The following SLC67A2 variants were observed in gnomAD, a reference collection of about 807,000 sequenced individuals.
SLC67A2 encodes the protein solute carrier family 67 member 2.
At chr2:102,736,737 T>C in the SLC67A2 span, 1 of 1,613,766 alleles carries the variant, frequency 6.2e-7, no homozygotes, top group Non-Finnish European at 8.5e-7. Flanking sequence ...TGTCTTCTGC[T>C]CCTGTTTCCG....
At chr2:102,734,675 C>T in the SLC67A2 span, among the ~76,000 whole-genome samples, 1 of 152,026 alleles carries the variant, frequency 6.6e-6, no homozygotes, top group Admixed American at 6.6e-5. Context: ...AAAAAAATCC[C>T]TACTCTTTCA....
the SLC67A2 span, chr2:102,732,114 C>G: frequency 3.0e-6 from 2 of 672,498 alleles, no homozygotes; most frequent in Non-Finnish European, 5.6e-6. Flanking sequence ...GCTCAAATCT[C>G]AAAATCTCTT....
At chr2:102,723,231 G>A in the SLC67A2 span, among the ~76,000 whole-genome samples, 1 of 152,214 alleles carries the variant, frequency 6.6e-6, no homozygotes, top group Admixed American at 6.5e-5. Flanking sequence ...AGCACTTTGG[G>A]AGGCAGAGGC....
chr2:102,724,632 G>A, the SLC67A2 span, among the ~76,000 whole-genome samples: 68 of 152,282 alleles, frequency 4.5e-4, no homozygotes, highest in Admixed American at 2.8e-3. Context: ...GTAACCAGCG[G>A]CCCACTATTT....
At chr2:102,725,049 G>C in the SLC67A2 span, among the ~76,000 whole-genome samples, 1 of 152,204 alleles carries the variant, frequency 6.6e-6, no homozygotes, top group Admixed American at 6.5e-5. Context: ...GAAGACTGTG[G>C]TAAGAGTATC....
the SLC67A2 span, among the ~76,000 whole-genome samples, chr2:102,730,473 T>C: frequency 1.3e-5 from 2 of 152,088 alleles, no homozygotes; most frequent in African/African-American, 2.4e-5. Context: ...CAACTTTAAA[T>C]AGAATAGCAG....
At chr2:102,717,781 C>T in the SLC67A2 span, 1 of 152,648 alleles carries the variant, frequency 6.6e-6, no homozygotes, top group Admixed American at 6.5e-5. Context: ...TGAGAAATCG[C>T]CAGCAGTGCT....
the SLC67A2 span, among the ~76,000 whole-genome samples, chr2:102,714,798 TTG>T: frequency 6.6e-6 from 1 of 152,226 alleles, no homozygotes; most frequent in Non-Finnish European, 1.5e-5. Context: ...TAGAGACTTC[TTG>T]AAGGCTACTA....
At chr2:102,717,255 C>T in the SLC67A2 span, 1 of 152,010 alleles carries the variant, frequency 6.6e-6, no homozygotes, top group Non-Finnish European at 1.5e-5. Flanking sequence ...GAATGGTCTC[C>T]ATCTCCTGAC....
chr2:102,726,764 C>T, the SLC67A2 span: 1 of 1,514,022 alleles, frequency 6.6e-7, no homozygotes, highest in South Asian at 1.4e-5. Context: ...AGAGGTGGCC[C>T]AGGAGGAAGC....
At chr2:102,726,852 G>A in the SLC67A2 span, 71 of 1,587,734 alleles carry the variant, frequency 4.5e-5, no homozygotes, top group East Asian at 1.6e-3. Context: ...CACCTGCCGG[G>A]ACTCTAGCCA....
chr2:102,736,839 C>G, the SLC67A2 span: 4 of 1,579,144 alleles, frequency 2.5e-6, no homozygotes, highest in South Asian at 2.3e-5. Flanking sequence ...TCGGACGCAG[C>G]AGCAGCCGCG....
chr2:102,723,873 A>G, the SLC67A2 span: 1 of 1,614,100 alleles, frequency 6.2e-7, no homozygotes, highest in Non-Finnish European at 8.5e-7. Flanking sequence ...ATCAGAAAGT[A>G]GAGCCCTTGA....
the SLC67A2 span, chr2:102,726,886 G>A: frequency 1.2e-6 from 2 of 1,612,994 alleles, no homozygotes; most frequent in Non-Finnish European, 8.5e-7. Context: ...CACATTGGTG[G>A]CTGCTCCGAG....
the SLC67A2 span, among the ~76,000 whole-genome samples, chr2:102,722,481 A>C: frequency 1.3e-5 from 2 of 152,262 alleles, no homozygotes; most frequent in East Asian, 3.8e-4. Flanking sequence ...CTTCTTTCTT[A>C]CTTCCATAAT....
At chr2:102,725,622 G>C in the SLC67A2 span, among the ~76,000 whole-genome samples, 1 of 152,146 alleles carries the variant, frequency 6.6e-6, no homozygotes. Context: ...GTGTGGTACT[G>C]GGGTTTGTAA....
At chr2:102,721,420 T>C in the SLC67A2 span, among the ~76,000 whole-genome samples, 2 of 152,318 alleles carry the variant, frequency 1.3e-5, no homozygotes, top group African/African-American at 4.8e-5. Flanking sequence ...TGAACTTTGC[T>C]TCCTGGGTCT....
At chr2:102,734,623 T>C in the SLC67A2 span, among the ~76,000 whole-genome samples, 1 of 152,190 alleles carries the variant, frequency 6.6e-6, no homozygotes, top group Non-Finnish European at 1.5e-5. Context: ...GTGACTTTCA[T>C]GTAAAGCTTC....
At chr2:102,730,688 G>A in the SLC67A2 span, among the ~76,000 whole-genome samples, 1 of 151,968 alleles carries the variant, frequency 6.6e-6, no homozygotes, top group African/African-American at 2.4e-5. Context: ...GACTACAGGT[G>A]CCTGCCACCA....
Sources: gnomAD v4.1 joint callset for allele counts (sites outside exome capture counted in the v4.1 genomes callset) on GRCh38, gnomAD v4.1.1 for gene constraint, MANE v1.5 for transcripts, NCBI Gene and HGNC (gene_info 2026-07-23, HGNC 2026-07-21) for gene names.